Variants in USP34 observed in about 807,000 individuals in gnomAD.
The protein encoded by USP34 is ubiquitin specific peptidase 34, also known as ubiquitin carboxyl-terminal hydrolase 34.
USP34 carries 70 observed loss-of-function variants against 460.3 expected under a neutral mutation model. That is an observed-to-expected ratio of 0.15 (90% CI 0.13 to 0.19). USP34 has a LOEUF of 0.19. Among genes scored for constraint, USP34 ranks in the 10% least tolerant of loss-of-function variants. The probability of loss-of-function intolerance (pLI) is 1.00; values close to 1 mark genes in which losing one functional copy is unlikely to be tolerated. For missense variants in USP34, 3,985 were observed against 4,236.2 expected, an observed-to-expected ratio of 0.94 and a Z score of 1.65; for synonymous variants, 1,647 against 1,405.3, an observed-to-expected ratio of 1.17 and a Z score of -3.85.
intron 79 of USP34, 47 bp from the exon 80 acceptor site, chr2:61,188,756 G>C (rs1686527804): frequency 7.5e-6 from 12 of 1,594,198 alleles, no homozygotes; most frequent in Non-Finnish European, 9.4e-6. Flanking sequence ...AAGTCATTAA[G>C]ATCACGTTAG....
At chr2:61,459,052 C>G (rs1303124351) in intron 1 of USP34, among the ~76,000 whole-genome samples, 1 of 152,142 alleles carries the variant, frequency 6.6e-6, no homozygotes, top group Non-Finnish European at 1.5e-5. Flanking sequence ...GGTGACAAAT[C>G]AAGACTCCAT....
At chr2:61,352,510 A>G (rs1274331914) in intron 10 of USP34, among the ~76,000 whole-genome samples, 2 of 151,912 alleles carry the variant, frequency 1.3e-5, no homozygotes, top group Non-Finnish European at 2.9e-5. Flanking sequence ...TTTGTTTTAT[A>G]CAGATGAAGT....
chr2:61,221,543 T>C lies in USP34; in HGVS notation c.7858A>G (p.Met2620Val). ...LMEFAGGPPG[M>V]PPFASYILQR... ...AGAATATAAGATGCAAAGGGAGGCATTCCTGGAGGTCCACCAGCAAACTCC... is the reference window on the plus strand; with the variant it reads ...AGAATATAAGATGCAAAGGGAGGCACTCCTGGAGGTCCACCAGCAAACTCC... Residue 2620 changes from methionine to valine, a missense_variant, in exon 66 of 80, where the codon ATG becomes GTG. Met to Val is a conservative substitution (Grantham distance 21, BLOSUM62 1). Coordinates refer to ENST00000398571, the MANE Select transcript of USP34 (RefSeq NM_014709.4). 6.2e-7 allele frequency: 1 copy of C among 1,614,074 alleles called. No homozygotes were observed. Among genetic ancestry groups the C allele is most frequent in the East Asian group, 2.2e-5 (1 of 44,864 alleles).
intron 2 of USP34, among the ~76,000 whole-genome samples, chr2:61,406,505 G>A (rs548484257): frequency 6.6e-6 from 1 of 152,068 alleles, no homozygotes; most frequent in African/African-American, 2.4e-5. Flanking sequence ...AAGCCAGCTG[G>A]TTATTTAATA....
Position 61,188,112 on chromosome 2 carries a change from G to C in USP34, c.10631C>G (p.Ala3544Gly). 1 of 1,612,430 alleles carries C rather than the reference G, an allele frequency of 6.2e-7. No individual in the cohort carries two copies. The highest frequency in any genetic ancestry group is 8.5e-7 in the Non-Finnish European group (1 of 1,178,978). ...ATGCTACACCTAATGTCAAGAAGCA[G>C]CTTGGTTTCCTTTGCCAGATATCCT... ...VTRISGKGNQ[A>G]AS Residue 3544 changes from alanine to glycine, a missense_variant, in exon 80 of 80, where the codon GCT (alanine) becomes GGT (glycine). By Grantham distance (60) the Ala-to-Gly change is moderately conservative. Coordinates refer to ENST00000398571, the MANE Select transcript of USP34 (RefSeq NM_014709.4).
chr2:61,350,835 AGAT>A, intron 10 of USP34, 142 bp from the exon 11 acceptor site: 1 of 784,244 alleles, frequency 1.3e-6, no homozygotes, highest in Non-Finnish European at 1.9e-6. Flanking sequence ...TAATTATCTA[AGAT>A]GATGAATGGC....
intron 7 of USP34, 88 bp downstream of exon 7, chr2:61,380,081 T>C: frequency 3.5e-6 from 4 of 1,141,156 alleles, no homozygotes; most frequent in Non-Finnish European, 3.7e-6. Context: ...CAATGCCTAG[T>C]ATGAAGTGCT....
chr2:61,419,969 C>G (rs1209598749), intron 2 of USP34, among the ~76,000 whole-genome samples: 1 of 152,124 alleles, frequency 6.6e-6, no homozygotes, highest in Non-Finnish European at 1.5e-5. Flanking sequence ...TCTGCCAACT[C>G]TACTGAGAGA....
intron 1 of USP34, among the ~76,000 whole-genome samples, chr2:61,440,943 C>T (rs968400411): frequency 2.0e-5 from 3 of 151,402 alleles, no homozygotes; most frequent in South Asian, 2.1e-4. Flanking sequence ...CTGGCTAACA[C>T]GGTGAAACCC....
At chr2:61,334,973 C>G (rs1471448450) in intron 18 of USP34, among the ~76,000 whole-genome samples, 1 of 152,012 alleles carries the variant, frequency 6.6e-6, no homozygotes, top group Non-Finnish European at 1.5e-5. Flanking sequence ...GAATCAAATT[C>G]CAAAGAACAA....
chr2:61,230,844 C>CAAA lies in USP34; in HGVS notation c.7114-1214_7114-1212dup, dbSNP rs11398421. Among the ~76,000 whole-genome samples, 148 of 124,700 alleles carry CAAA rather than the reference C, an allele frequency of 1.2e-3. 1 individual carries two copies. The highest frequency in any genetic ancestry group is 3.9e-3 in the African/African-American group (139 of 35,566). The allele number at this position is 124,700 out of a possible 152,430, so 81.8% of individuals were successfully genotyped here. A position where few individuals can be genotyped will look rare whatever the true frequency, so the allele number is the denominator to read the frequency against. ...GGGCCACAAGAGCGAAACTCCGTCTCAAAAAAAAAAAAAACAAAACACAAA... is the reference window on the plus strand; with the variant it reads ...GGGCCACAAGAGCGAAACTCCGTCTCAAAAAAAAAAAAAAAAACAAAACACAAA... On this transcript the variant is annotated intron_variant, in intron 58 of 79. Transcript: ENST00000398571.
intron 2 of USP34, among the ~76,000 whole-genome samples, chr2:61,417,932 G>T (rs1374540021): frequency 8.6e-5 from 13 of 150,562 alleles, no homozygotes; most frequent in African/African-American, 3.2e-4. Context: ...GTAGAGACAG[G>T]GTTTCACCGT....
At position 61,348,315 on chromosome 2, in the gene USP34, T is replaced by C; in HGVS notation, c.1840A>G (p.Ile614Val). 6.2e-7 allele frequency: 1 copy of C among 1,614,198 alleles called. No individual in the cohort carries two copies. Among genetic ancestry groups the C allele is most frequent in the South Asian group, 1.1e-5 (1 of 91,082 alleles). Residue 614 changes from isoleucine (I) to valine (V), a missense_variant, in exon 15 of 80, where the codon ATT becomes GTT. Ile to Val is a conservative substitution (Grantham distance 29). Transcript: ENST00000398571. The part of the protein sequence containing the change: ...SPGSEVQSED[I>V]ADIEALKEED... ...TCTTTGAGGGCTTCAATATCTGCAA[T>C]GTCTTCTGACTGTACCTCACTGCCA...
intron 6 of USP34, among the ~76,000 whole-genome samples, chr2:61,381,496 G>A (rs1048843517): frequency 2.6e-5 from 4 of 151,886 alleles, no homozygotes; most frequent in Middle Eastern, 3.2e-3. Flanking sequence ...ATGCCACCAC[G>A]ACCACCTAAT....
At chr2:61,256,590 T>TG (rs1558494303) in intron 47 of USP34, 112 bp from the exon 48 acceptor site, 1 of 691,444 alleles carries the variant, frequency 1.4e-6, no homozygotes, top group African/African-American at 1.9e-5. Context: ...ATTTTTTTTT[T>TG]AAAAGTGAAT....
chr2:61,238,039 G>A lies in USP34; in HGVS notation c.6778-1650C>T, dbSNP rs371795457. Among the ~76,000 whole-genome samples the A allele has an allele frequency of 1.2e-3, 184 of 151,970 alleles. 1 individual carries two copies. Among genetic ancestry groups the A allele is most frequent in the African/African-American group, 4.2e-3 (174 of 41,444 alleles). The stretch of plus-strand genomic sequence containing the variant: ...GCCTCCCAAGTAGCTGGGATTACAG[G>A]TGCCCGCCACCATACCCAGTTAATT... On this transcript the variant is annotated intron_variant, in intron 53 of 79. Coordinates refer to ENST00000398571, the MANE Select transcript of USP34 (RefSeq NM_014709.4).
rs139046472 is a variant in USP34, at chr2:61,346,571, C to T, written c.2285+1299G>A. On this transcript the variant is annotated intron_variant, in intron 15 of 79. Coordinates refer to ENST00000398571, the MANE Select transcript of USP34 (RefSeq NM_014709.4). The stretch of plus-strand genomic sequence containing the variant: ...AAAAAAAAGGCCAGGTGCAGTGGCT[C>T]ACGCCTGCAATCCTAGCACTTTGGC... 2.5e-3 allele frequency among the ~76,000 whole-genome samples: 353 copies of T among 141,842 alleles called. 1 individual carries two copies. Among genetic ancestry groups the T allele is most frequent in the African/African-American group, 8.6e-3 (326 of 37,864 alleles). 93.1% of individuals were successfully genotyped at this position (141,842 alleles called of 152,430 possible).
At chr2:61,364,729 G>C (rs1236140746) in intron 10 of USP34, among the ~76,000 whole-genome samples, 1 of 152,078 alleles carries the variant, frequency 6.6e-6, no homozygotes, top group African/African-American at 2.4e-5. Flanking sequence ...AGGAGTTTGA[G>C]ACCAGCCTAG....
At chr2:61,260,463 G>A (rs17007664) in intron 43 of USP34, among the ~76,000 whole-genome samples, 3,970 of 152,218 alleles carry the variant, frequency 0.026, 183 homozygotes, top group African/African-American at 0.091. Context: ...AACTTTGAAA[G>A]TCTTGTGGAA....
Sources: gnomAD v4.1 joint callset for allele counts (sites outside exome capture counted in the v4.1 genomes callset) on GRCh38, gnomAD v4.1.1 for gene constraint, MANE v1.5 for transcripts, NCBI Gene and HGNC (gene_info 2026-07-23, HGNC 2026-07-21) for gene names.